The following PTPRD variants were observed in gnomAD, a reference collection of about 807,000 sequenced individuals.
The protein encoded by PTPRD is protein tyrosine phosphatase receptor type D.
PTPRD carries 34 observed loss-of-function variants against 214.5 expected under a neutral mutation model. The observed-to-expected ratio is 0.16, with a 90% CI of 0.12 to 0.21. The LOEUF (loss-of-function observed/expected upper bound fraction) is 0.21, where lower values mean the gene tolerates loss of function less well. PTPRD is among the 10% of genes least tolerant of loss of function. The pLI, the probability that PTPRD is intolerant of heterozygous loss-of-function variation, is 1.00. For synonymous variants in PTPRD, 1,128 were observed against 845.7 expected, an observed-to-expected ratio of 1.33 and a Z score of -5.79; for missense variants, 2,545 against 2,398.7, an observed-to-expected ratio of 1.06 and a Z score of -1.27.
intron 11 of PTPRD, among the ~76,000 whole-genome samples, chr9:8,873,030 C>A (rs7869551): frequency 1.1e-4 from 16 of 152,310 alleles, no homozygotes; most frequent in African/African-American, 3.8e-4. Flanking sequence ...GGAATACTTA[C>A]AATCTGTTCA....
chr9:9,097,913 C>A (rs1324481247), intron 10 of PTPRD, among the ~76,000 whole-genome samples: 1 of 152,024 alleles, frequency 6.6e-6, no homozygotes, highest in Non-Finnish European at 1.5e-5. Context: ...AAAGATGTTT[C>A]CCTTTGGCTC....
intron 43 of PTPRD, among the ~76,000 whole-genome samples, chr9:8,336,717 G>C (rs1346886895): frequency 6.6e-6 from 1 of 151,390 alleles, no homozygotes; most frequent in East Asian, 1.9e-4. Context: ...CTGACAAAGG[G>C]CTAATATCCA....
intron 7 of PTPRD, among the ~76,000 whole-genome samples, chr9:9,689,449 A>G (rs78066918): frequency 4.1e-4 from 62 of 152,046 alleles, no homozygotes; most frequent in Non-Finnish European, 6.0e-4. Context: ...AACATGTAAT[A>G]TATCTATGAT....
chr9:9,541,890 G>T (rs540486912), intron 8 of PTPRD, among the ~76,000 whole-genome samples: 1 of 151,732 alleles, frequency 6.6e-6, no homozygotes, highest in African/African-American at 2.4e-5. Flanking sequence ...GGGGAAGAGA[G>T]GTATCTAAAA....
At chr9:9,307,190 C>G (rs765857887) in intron 9 of PTPRD, among the ~76,000 whole-genome samples, 32 of 152,118 alleles carry the variant, frequency 2.1e-4, no homozygotes, top group Admixed American at 4.6e-4. Flanking sequence ...TGGCAGTTAG[C>G]TGAAAATTGT....
intron 10 of PTPRD, among the ~76,000 whole-genome samples, chr9:9,169,327 C>T (rs186204372): frequency 2.0e-5 from 3 of 152,232 alleles, no homozygotes; most frequent in East Asian, 3.9e-4. Flanking sequence ...TTCCTATACT[C>T]AGTGTTTCTG....
chr9:9,021,550 A>C (rs1323210488), intron 10 of PTPRD, among the ~76,000 whole-genome samples: 1 of 151,908 alleles, frequency 6.6e-6, no homozygotes. Context: ...CTTTCTACTT[A>C]AAAAAAATGT....
intron 8 of PTPRD, among the ~76,000 whole-genome samples, chr9:9,556,132 T>C (rs1417152053): frequency 6.6e-6 from 1 of 152,060 alleles, no homozygotes; most frequent in African/African-American, 2.4e-5. Context: ...TAATACATAT[T>C]TTGTATGTTA....
intron 44 of PTPRD, among the ~76,000 whole-genome samples, chr9:8,323,985 C>T (rs542257328): frequency 1.7e-4 from 26 of 152,044 alleles, no homozygotes; most frequent in Non-Finnish European, 2.8e-4. Context: ...TTGCTACAGC[C>T]ACCTCACCCT....
intron 8 of PTPRD, among the ~76,000 whole-genome samples, chr9:9,460,620 T>C (rs2093566500): frequency 6.6e-6 from 1 of 151,864 alleles, no homozygotes; most frequent in South Asian, 2.1e-4. Flanking sequence ...AAAACCACAA[T>C]AAGATACCAT....
intron 2 of PTPRD, among the ~76,000 whole-genome samples, chr9:10,564,465 T>A (rs887435037): frequency 3.3e-5 from 5 of 151,998 alleles, no homozygotes; most frequent in African/African-American, 4.8e-5. Context: ...AAAGAAATTT[T>A]CTGCTTCTGT....
At chr9:9,669,684 A>G (rs2096789944) in intron 7 of PTPRD, among the ~76,000 whole-genome samples, 1 of 152,164 alleles carries the variant, frequency 6.6e-6, no homozygotes. Flanking sequence ...CAGAAACTAA[A>G]TTTTCATATA....
intron 5 of PTPRD, among the ~76,000 whole-genome samples, chr9:9,885,583 G>A (rs1196733891): frequency 6.6e-6 from 1 of 151,994 alleles, no homozygotes; most frequent in African/African-American, 2.4e-5. Context: ...GAATTGTCTA[G>A]ATAGACCCAA....
At chr9:9,098,224 C>T (rs1294317291) in intron 10 of PTPRD, among the ~76,000 whole-genome samples, 1 of 151,974 alleles carries the variant, frequency 6.6e-6, no homozygotes, top group Admixed American at 6.6e-5. Context: ...CTCTTGCCTC[C>T]TATTTTTGAC....
chr9:10,219,116 G>T (rs1019101404), intron 3 of PTPRD, among the ~76,000 whole-genome samples: 1 of 151,666 alleles, frequency 6.6e-6, no homozygotes, highest in African/African-American at 2.4e-5. Flanking sequence ...TAATAAATTA[G>T]AAAGGACTGA....
At chr9:10,375,239 A>C (rs1354248598) in intron 2 of PTPRD, among the ~76,000 whole-genome samples, 4 of 152,074 alleles carry the variant, frequency 2.6e-5, no homozygotes, top group African/African-American at 9.6e-5. Context: ...TTGCTTGACC[A>C]AGGTGATTTG....
intron 3 of PTPRD, among the ~76,000 whole-genome samples, chr9:10,060,938 TTCTTTCTTTCTTTC>T (rs1340265540): frequency 5.2e-5 from 7 of 133,858 alleles, no homozygotes; most frequent in Admixed American, 7.2e-5. Context: ...CTTTCTTTCT[TTCTTTCTTTCTTTC>T]TCTCTCTTCC....
At chr9:10,435,525 C>T in intron 2 of PTPRD, among the ~76,000 whole-genome samples, 1 of 151,712 alleles carries the variant, frequency 6.6e-6, no homozygotes, top group Non-Finnish European at 1.5e-5. Flanking sequence ...TGCTCTTTTT[C>T]CTGGATCAAT....
At chr9:9,621,530 T>C (rs1442990085) in intron 7 of PTPRD, among the ~76,000 whole-genome samples, 1 of 152,216 alleles carries the variant, frequency 6.6e-6, no homozygotes, top group Non-Finnish European at 1.5e-5. Flanking sequence ...AGGCTGCCTT[T>C]GGATGCTCTC....
Sources: gnomAD v4.1 joint callset for allele counts (sites outside exome capture counted in the v4.1 genomes callset) on GRCh38, gnomAD v4.1.1 for gene constraint, MANE v1.5 for transcripts, NCBI Gene and HGNC (gene_info 2026-07-23, HGNC 2026-07-21) for gene names.